The following PHF20 variants were observed in gnomAD, a reference collection of about 807,000 sequenced individuals.
PHF20 encodes the protein glioma-expressed antigen 2.
Under a neutral mutation model 113.5 loss-of-function variants are expected in PHF20, and 23 were observed. The observed-to-expected ratio is 0.20, with a 90% confidence interval of 0.15 to 0.29. The LOEUF (loss-of-function observed/expected upper bound fraction) is 0.29, where lower values mean the gene tolerates loss of function less well. Ranked by LOEUF, PHF20 falls within the 10% of genes least tolerant of loss-of-function variation. The pLI, the probability that PHF20 is intolerant of heterozygous loss-of-function variation, is 1.00. For missense variants in PHF20, 943 were observed against 1,219.6 expected (o/e 0.77, Z 3.38); for synonymous variants, 434 against 457.3 (o/e 0.95, Z 0.65).
intron 5 of PHF20, 134 bp from the exon 6 acceptor site, chr20:35,862,878 TG>T: frequency 1.3e-6 from 1 of 768,508 alleles, no homozygotes; most frequent in East Asian, 2.5e-5. Flanking sequence ...CTGTTGTCAG[TG>T]GTGCTTTGTA....
chr20:35,833,886 C>T (rs1348172939), intron 2 of PHF20, among the ~76,000 whole-genome samples: 4 of 151,978 alleles, frequency 2.6e-5, no homozygotes, highest in Middle Eastern at 3.4e-3. Context: ...GGTGAAACCC[C>T]GTCTCTACTA....
rs2055965229 is a variant in PHF20 at position 35,940,917 on chromosome 20, G to T, written c.2766G>T (p.Lys922Asn). Residue 922 changes from lysine to asparagine, a missense_variant, in exon 17 of 18, where the codon AAG becomes AAT. By Grantham distance (94) the Lys-to-Asn change is moderately conservative. Transcript: ENST00000374012. ...KALPEEAPAR[K>N]LLDRGGEGLL... ...TACCAGAAGAAGCCCCTGCTCGGAA[G>T]CTGCTGGACAGAGGTGGAGAGGGGC... 1 of 1,614,066 alleles carries T rather than the reference G, an allele frequency of 6.2e-7. No homozygotes were observed. The highest frequency in any genetic ancestry group is 1.3e-5 in the African/African-American group (1 of 74,942).
intron 9 of PHF20, among the ~76,000 whole-genome samples, chr20:35,897,559 CTTTTTTTTT>C (rs150122625): frequency 1.9e-5 from 2 of 107,684 alleles, no homozygotes; most frequent in Non-Finnish European, 1.8e-5. Flanking sequence ...TTCTGGATCC[CTTTTTTTTT>C]TTTTTTTTTT....
chr20:35,927,970 A>C (rs1015098031), intron 14 of PHF20, 91 bp downstream of exon 14: 3 of 909,364 alleles, frequency 3.3e-6, no homozygotes, highest in Non-Finnish European at 5.5e-6. Context: ...TGCGGTCTTG[A>C]GACTCATTTC....
chr20:35,923,584 A>G (rs2055562588), intron 13 of PHF20, among the ~76,000 whole-genome samples: 1 of 152,216 alleles, frequency 6.6e-6, no homozygotes, highest in African/African-American at 2.4e-5. Context: ...GAAATACCTT[A>G]TCCCCACCTT....
chr20:35,800,496 C>T (rs921110746), intron 1 of PHF20, among the ~76,000 whole-genome samples: 2 of 152,120 alleles, frequency 1.3e-5, no homozygotes, highest in African/African-American at 2.4e-5. Context: ...CAATTCTGGG[C>T]GCAGTGGTTC....
At chr20:35,857,630 G>A (rs2042861408) in intron 4 of PHF20, among the ~76,000 whole-genome samples, 1 of 138,952 alleles carries the variant, frequency 7.2e-6, no homozygotes, top group Admixed American at 7.9e-5. Context: ...GCCTAGCCTG[G>A]AGTGGAGTGC....
At chr20:35,836,017 A>G (rs373463307) in intron 2 of PHF20, among the ~76,000 whole-genome samples, 1 of 151,294 alleles carries the variant, frequency 6.6e-6, no homozygotes, top group African/African-American at 2.5e-5. Flanking sequence ...ATTTATTATT[A>G]CCTGTTTTTT....
intron 9 of PHF20, among the ~76,000 whole-genome samples, chr20:35,873,276 T>G (rs535160849): frequency 1.1e-4 from 16 of 151,632 alleles, no homozygotes; most frequent in Non-Finnish European, 1.9e-4. Context: ...AATTTTTGTA[T>G]TTTTAGTAGA....
intron 4 of PHF20, among the ~76,000 whole-genome samples, chr20:35,851,536 G>A (rs1244490567): frequency 6.6e-6 from 1 of 152,078 alleles, no homozygotes; most frequent in Non-Finnish European, 1.5e-5. Context: ...TAGCTTGGCT[G>A]TTTTCTTCTA....
intron 2 of PHF20, among the ~76,000 whole-genome samples, chr20:35,819,791 C>T (rs961760116): frequency 3.3e-5 from 5 of 152,036 alleles, no homozygotes; most frequent in South Asian, 2.1e-4. Context: ...TGTTCAGAGA[C>T]GAGTCAAGTA....
rs72192292 is a variant in PHF20 at position 35,791,441 on chromosome 20, G to GTATCTATC, written c.-32-9996_-32-9989dup. Among the ~76,000 whole-genome samples the GTATCTATC allele has an allele frequency of 6.9e-4, 90 of 131,376 alleles. 2 individuals carry two copies. The highest frequency in any genetic ancestry group is 1.3e-3 in the East Asian group (6 of 4,588). The allele number at this position is 131,376 out of a possible 152,430, so 86.2% of individuals were successfully genotyped here. A position where few individuals can be genotyped will look rare whatever the true frequency, so the allele number is the denominator to read the frequency against. ...ATATATGTATATATATACCAGAATA[G>GTATCTATC]TATCTATCTATCTATCTATCTATCT... On this transcript the variant is annotated intron_variant, in intron 1 of 17. Transcript: ENST00000374012.
At chr20:35,791,910 TGTAAG>T (rs2041564089) in intron 1 of PHF20, among the ~76,000 whole-genome samples, 1 of 152,018 alleles carries the variant, frequency 6.6e-6, no homozygotes, top group African/African-American at 2.4e-5. Context: ...AGAAGGAACT[TGTAAG>T]GGTAAGATGA....
At chr20:35,933,662 G>A (rs966415292) in intron 15 of PHF20, among the ~76,000 whole-genome samples, 3 of 152,254 alleles carry the variant, frequency 2.0e-5, no homozygotes, top group South Asian at 4.1e-4. Flanking sequence ...CTCCCAAAGT[G>A]CTGAGATTAC....
At chr20:35,848,454 G>A (rs1198784610) in intron 4 of PHF20, among the ~76,000 whole-genome samples, 10 of 151,990 alleles carry the variant, frequency 6.6e-5, no homozygotes, top group Admixed American at 2.6e-4. Flanking sequence ...TAGTAGAGAC[G>A]GGGTTTCGCT....
chr20:35,861,260 A>G (rs1568666151), intron 5 of PHF20, among the ~76,000 whole-genome samples: 1 of 152,150 alleles, frequency 6.6e-6, no homozygotes, highest in Non-Finnish European at 1.5e-5. Context: ...GTAGAAAAAT[A>G]TATAAGTACA....
At chr20:35,940,510 G>A (rs1361765180) in intron 16 of PHF20, among the ~76,000 whole-genome samples, 1 of 151,692 alleles carries the variant, frequency 6.6e-6, no homozygotes, top group African/African-American at 2.4e-5. Context: ...GCTGAGACTT[G>A]AAACGCGTTG....
intron 4 of PHF20, among the ~76,000 whole-genome samples, chr20:35,850,296 G>GTTTTGTTTT (rs2042696275): frequency 1.6e-5 from 1 of 62,322 alleles, no homozygotes; most frequent in South Asian, 5.1e-4. Flanking sequence ...TTCCCCCTCC[G>GTTTTGTTTT]TTTTTTTTTT....
intron 9 of PHF20, among the ~76,000 whole-genome samples, chr20:35,889,171 A>T (rs1458702029): frequency 6.6e-6 from 1 of 151,462 alleles, no homozygotes; most frequent in Non-Finnish European, 1.5e-5. Context: ...GCACACCACC[A>T]CGCTCAGCTA....
Sources: gnomAD v4.1 joint callset for allele counts (sites outside exome capture counted in the v4.1 genomes callset) on GRCh38, gnomAD v4.1.1 for gene constraint, MANE v1.5 for transcripts, NCBI Gene and HGNC (gene_info 2026-07-23, HGNC 2026-07-21) for gene names.